ADGRV1: variants seen among roughly 807,000 people sequenced by gnomAD.
ADGRV1 encodes G-protein coupled receptor 98.
A neutral mutation model predicts 596.2 loss-of-function variants in ADGRV1; 359 were observed. The ratio of observed to expected loss-of-function variants is 0.60; its 90% confidence interval spans 0.55 to 0.66. The LOEUF is 0.66. ADGRV1 is among the 30% of genes least tolerant of loss of function. The pLI is 0.00. For missense variants in ADGRV1, 7,274 were observed against 7,575.6 expected, an observed-to-expected ratio of 0.96 and a Z score of 1.48; for synonymous variants, 2,681 against 2,679.2, an observed-to-expected ratio of 1.00 and a Z score of -0.02.
chr5:90,883,297 G>A (rs765290527), intron 83 of ADGRV1, among the ~76,000 whole-genome samples: 9 of 152,078 alleles, frequency 5.9e-5, no homozygotes, highest in Non-Finnish European at 1.3e-4. Context: ...TAGCTCCATG[G>A]TATTTCAGGC....
chr5:90,778,886 TC>T lies in ADGRV1; in HGVS notation c.12873del (p.Ser4292ValfsTer14). On this transcript the variant is annotated frameshift_variant, in exon 64 of 90. Transcript: ENST00000405460. LOFTEE classifies it high-confidence loss of function. ...AQRVNITIIR[S>X]SGDFGHVRLW... ...ATAGGTTAACATCACAATCATCCGT[TC>T]CAGTGGAGATTTTGGCCATGTGCGA... The T allele has an allele frequency of 6.2e-7, 1 of 1,612,774 alleles. No individual in the cohort carries two copies. The highest frequency in any genetic ancestry group is 8.5e-7 in the Non-Finnish European group (1 of 1,179,030).
intron 50 of ADGRV1, among the ~76,000 whole-genome samples, chr5:90,741,285 A>G (rs1753931597): frequency 6.6e-6 from 1 of 152,096 alleles, no homozygotes; most frequent in African/African-American, 2.4e-5. Flanking sequence ...TGTTCTGCTC[A>G]TTCTTTCCTT....
intron 59 of ADGRV1, among the ~76,000 whole-genome samples, chr5:90,767,393 CT>C (rs2150035036): frequency 6.6e-6 from 1 of 151,824 alleles, no homozygotes; most frequent in African/African-American, 2.4e-5. Context: ...CCAATAAAAC[CT>C]GATTCATAAA....
At position 90,733,964 on chromosome 5, in the gene ADGRV1, C is replaced by G. The variant is rs140518879; in HGVS notation, c.10549+4200C>G. ...CCGCCCTGGTGACTATTGTTGTACCCTTTGCTATGAATTCAACTTTTAAAA... is the reference window on the plus strand; with the variant it reads ...CCGCCCTGGTGACTATTGTTGTACCGTTTGCTATGAATTCAACTTTTAAAA... On this transcript the variant is annotated intron_variant, in intron 50 of 89. Transcript: ENST00000405460. 4.1e-4 allele frequency among the ~76,000 whole-genome samples: 63 copies of G among 152,236 alleles called. No homozygotes were observed. In the East Asian group the frequency reaches 0.012, roughly 29 times the overall value.
chr5:91,010,033 TA>T (rs750087991), intron 85 of ADGRV1, among the ~76,000 whole-genome samples: 3 of 152,058 alleles, frequency 2.0e-5, no homozygotes, highest in Non-Finnish European at 4.4e-5. Flanking sequence ...GTTACTCTGG[TA>T]ATTACTCTTA....
chr5:90,994,431 A>T (rs530207238), intron 85 of ADGRV1, among the ~76,000 whole-genome samples: 1 of 152,060 alleles, frequency 6.6e-6, no homozygotes, highest in South Asian at 2.1e-4. Context: ...CTCTTTATTG[A>T]TATTTTCTAT....
At chr5:91,042,162 G>C (rs547656361) in intron 85 of ADGRV1, among the ~76,000 whole-genome samples, 6 of 152,262 alleles carry the variant, frequency 3.9e-5, no homozygotes, top group Non-Finnish European at 5.9e-5. Flanking sequence ...GAACTTCTCT[G>C]AAATCAGTAG....
chr5:91,147,534 C>T (rs1375980327), intron 87 of ADGRV1, among the ~76,000 whole-genome samples: 1 of 152,160 alleles, frequency 6.6e-6, no homozygotes, highest in Non-Finnish European at 1.5e-5. Flanking sequence ...GTTTCATAAG[C>T]ATCTAGCATT....
At chr5:90,896,502 T>C (rs772389919) in intron 83 of ADGRV1, among the ~76,000 whole-genome samples, 1 of 152,034 alleles carries the variant, frequency 6.6e-6, no homozygotes, top group African/African-American at 2.4e-5. Context: ...CTCGAAATCC[T>C]GGGCTCAAGG....
intron 85 of ADGRV1, among the ~76,000 whole-genome samples, chr5:91,065,340 T>C (rs1396404551): frequency 6.6e-6 from 1 of 152,248 alleles, no homozygotes; most frequent in African/African-American, 2.4e-5. Context: ...TTAGAAGTAC[T>C]CACAAAGAAG....
chr5:90,821,842 G>A (rs529249146), intron 75 of ADGRV1, among the ~76,000 whole-genome samples: 17 of 152,164 alleles, frequency 1.1e-4, no homozygotes, highest in African/African-American at 2.6e-4. Flanking sequence ...GGACATTTAA[G>A]TCTGCAGAGG....
chr5:90,940,797 G>A (rs1486502296), intron 83 of ADGRV1, among the ~76,000 whole-genome samples: 1 of 151,038 alleles, frequency 6.6e-6, no homozygotes, highest in African/African-American at 2.4e-5. Flanking sequence ...GGAAGGAGGA[G>A]CATTCACACT....
At chr5:91,148,955 C>G (rs1327608024) in intron 87 of ADGRV1, among the ~76,000 whole-genome samples, 1 of 152,200 alleles carries the variant, frequency 6.6e-6, no homozygotes, top group Non-Finnish European at 1.5e-5. Flanking sequence ...TTTGGACTTG[C>G]ATGGAGTCTG....
chr5:90,715,208 G>A (rs1425641325), intron 42 of ADGRV1, among the ~76,000 whole-genome samples: 1 of 152,198 alleles, frequency 6.6e-6, no homozygotes, highest in East Asian at 1.9e-4. Flanking sequence ...GGCCTGATGA[G>A]AAATGAGGAG....
intron 60 of ADGRV1, 27 bp from the exon 61 acceptor site, chr5:90,776,426 A>C (rs756159224): frequency 1.3e-6 from 2 of 1,593,868 alleles, no homozygotes; most frequent in South Asian, 2.2e-5. Flanking sequence ...ACCTGCTACA[A>C]AGTGGTCTAT....
In ADGRV1 at chr5:90,987,571, C is replaced by T. The variant is rs572286158; in HGVS notation, c.18152+2049C>T. The stretch of plus-strand genomic sequence containing the variant: ...ACAAAGAATATTCCTAAGTCATTCC[C>T]ATACGAATTTATTCTAGCTTATAAA... On this transcript the variant is annotated intron_variant, in intron 85 of 89. Transcript: ENST00000405460. 1.1e-4 allele frequency among the ~76,000 whole-genome samples: 16 copies of T among 151,952 alleles called. No individual in the cohort carries two copies. In the South Asian group the frequency reaches 3.3e-3, roughly 32 times the overall value.
chr5:90,604,895 G>A (rs910901449), intron 1 of ADGRV1, among the ~76,000 whole-genome samples: 7 of 152,278 alleles, frequency 4.6e-5, no homozygotes, highest in Middle Eastern at 3.4e-3. Flanking sequence ...CTTTGCAAAT[G>A]TGGGAGAGAG....
chr5:91,069,740 G>A (rs1428660999), intron 85 of ADGRV1, among the ~76,000 whole-genome samples: 1 of 152,128 alleles, frequency 6.6e-6, no homozygotes, highest in African/African-American at 2.4e-5. Flanking sequence ...CTTTGTCCCA[G>A]CAATCCCATT....
intron 41 of ADGRV1, among the ~76,000 whole-genome samples, chr5:90,711,784 T>C (rs776404069): frequency 9.9e-5 from 15 of 152,180 alleles, no homozygotes; most frequent in Non-Finnish European, 1.9e-4. Context: ...TCTTCCCCTA[T>C]AATTTTTTTG....
Sources: gnomAD v4.1 joint callset for allele counts (sites outside exome capture counted in the v4.1 genomes callset) on GRCh38, gnomAD v4.1.1 for gene constraint, MANE v1.5 for transcripts, NCBI Gene and HGNC (gene_info 2026-07-23, HGNC 2026-07-21) for gene names.